PPP4R3A: variants seen among roughly 807,000 people sequenced by gnomAD.
The protein encoded by PPP4R3A is protein phosphatase 4 regulatory subunit 3A.
Under a neutral mutation model 91.7 loss-of-function variants are expected in PPP4R3A, and 15 were observed. The ratio of observed to expected loss-of-function variants is 0.16; its 90% CI spans 0.11 to 0.25. The LOEUF (loss-of-function observed/expected upper bound fraction) is 0.25. Among genes scored for constraint, PPP4R3A ranks in the 10% least tolerant of loss-of-function variants. PPP4R3A has a pLI of 1.00. For synonymous variants in PPP4R3A, 377 were observed against 348.7 expected, an observed-to-expected ratio of 1.08 and a Z score of -0.91; for missense variants, 623 against 998.4, an observed-to-expected ratio of 0.62 and a Z score of 5.07.
At chr14:91,502,776 C>A (rs1033741180) in intron 1 of PPP4R3A, among the ~76,000 whole-genome samples, 18 of 152,336 alleles carry the variant, frequency 1.2e-4, no homozygotes, top group African/African-American at 4.1e-4. Context: ...AGAATTTAAC[C>A]TGTTTAACTC....
intron 9 of PPP4R3A, 44 bp from the exon 10 acceptor site, chr14:91,471,039 T>C (rs754856790): frequency 2.6e-6 from 4 of 1,520,506 alleles, no homozygotes; most frequent in Middle Eastern, 1.9e-4. Flanking sequence ...ATGACTAACA[T>C]TTTTCCTTCT....
chr14:91,486,256 T>G (rs1889870777), intron 2 of PPP4R3A, among the ~76,000 whole-genome samples: 1 of 152,038 alleles, frequency 6.6e-6, no homozygotes, highest in Non-Finnish European at 1.5e-5. Context: ...TTTTGTTTTT[T>G]TTTTTAAACT....
At chr14:91,505,444 TAAA>T (rs1555353059) in intron 1 of PPP4R3A, among the ~76,000 whole-genome samples, 2 of 39,706 alleles carry the variant, frequency 5.0e-5, no homozygotes, top group African/African-American at 2.0e-4. Flanking sequence ...AGATTCTGCC[TAAA>T]AAAAAAAAAA....
In PPP4R3A at chr14:91,507,480, GT is replaced by G. The variant is rs1195941525; in HGVS notation, c.142+2025del. Among the ~76,000 whole-genome samples, 39 of 99,146 alleles carry G rather than the reference GT, an allele frequency of 3.9e-4. 1 individual carries two copies. The highest frequency in any genetic ancestry group is 1.4e-3 in the African/African-American group (32 of 22,096). 65.0% of individuals were successfully genotyped at this position (99,146 alleles called of 152,430 possible). A position where few individuals can be genotyped will look rare whatever the true frequency, so the allele number is the denominator to read the frequency against. On this transcript the variant is annotated intron_variant, in intron 1 of 14. Transcript: ENST00000554943. Reference sequence around the variant, plus strand: ...ATATACTATAATTATATATACTATAGTTATATATACTATATAGAATATATGC... The same window carrying G: ...ATATACTATAATTATATATACTATAGTATATATACTATATAGAATATATGC...
At chr14:91,499,078 C>T (rs574003436) in intron 1 of PPP4R3A, among the ~76,000 whole-genome samples, 118 of 151,890 alleles carry the variant, frequency 7.8e-4, no homozygotes, top group African/African-American at 2.5e-3. Flanking sequence ...TGAGCCACCA[C>T]GCCCAGCTGA....
At chr14:91,466,900 T>TC (rs1389869117) in intron 10 of PPP4R3A, among the ~76,000 whole-genome samples, 2 of 151,208 alleles carry the variant, frequency 1.3e-5, no homozygotes, top group African/African-American at 2.4e-5. Context: ...GAATTTGTAC[T>TC]CCAACTTTGC....
intron 4 of PPP4R3A, 113 bp from the exon 5 acceptor site, chr14:91,477,099 G>T: frequency 4.4e-6 from 3 of 675,332 alleles, no homozygotes; most frequent in Non-Finnish European, 4.4e-6. Flanking sequence ...AGGTGGTATT[G>T]GCAATGCTGT....
rs760954934 is a variant in PPP4R3A, at chr14:91,509,675, C to T, written c.-28G>A. ...TGCCGCCCGGGAACCGGGGCGGGGG[C>T]CCCGCCAGTAGACGCCCAGGAAAGG... On this transcript the variant is annotated 5_prime_UTR_variant, in exon 1 of 15. Coordinates refer to ENST00000554943, the MANE Select transcript of PPP4R3A (RefSeq NM_001366432.2). The T allele has an allele frequency of 1.2e-4, 190 of 1,585,778 alleles. No individual in the cohort carries two copies. The highest frequency in any genetic ancestry group is 8.3e-4 in the Admixed American group (49 of 58,792).
In PPP4R3A at chr14:91,461,584, C is replaced by T; in HGVS notation, c.2188G>A (p.Val730Met). The T allele has an allele frequency of 2.5e-6, 4 of 1,614,000 alleles. No individual in the cohort carries two copies. The highest frequency in any genetic ancestry group is 3.4e-6 in the Non-Finnish European group (4 of 1,179,924). ...KKLKESEEKE[V>M]LLKTNLSGRQ... is the part of the protein sequence containing the mutation. The stretch of plus-strand genomic sequence containing the variant: ...CCAGAAAGGTTTGTTTTCAGAAGCA[C>T]TTCCTTTTCCTCACTTTCTTTTACT... The change falls in exon 14 of 15, where the codon GTG becomes ATG. Residue 730 changes from valine to methionine, a missense_variant. Coordinates refer to ENST00000554943, the MANE Select transcript of PPP4R3A (RefSeq NM_001366432.2).
intron 10 of PPP4R3A, chr14:91,466,481 C>T: frequency 1.0e-6 from 1 of 966,714 alleles, no homozygotes; most frequent in Non-Finnish European, 1.2e-6. Flanking sequence ...AAGAGGTCCA[C>T]AAGTGAATGC....
At chr14:91,472,836 C>CCAAT (rs1285259639) in intron 9 of PPP4R3A, among the ~76,000 whole-genome samples, 197 bp downstream of exon 9, 1 of 151,310 alleles carries the variant, frequency 6.6e-6, no homozygotes. Flanking sequence ...AACCAACCAA[C>CCAAT]CAACCAACCA....
chr14:91,461,443 A>C lies in PPP4R3A; in HGVS notation c.2329T>G (p.Ser777Ala). The C allele has an allele frequency of 1.2e-6, 2 of 1,614,100 alleles. No individual in the cohort carries two copies. The highest frequency in any genetic ancestry group is 2.2e-5 in the South Asian group (2 of 91,076). Reference protein sequence around the residue: ...GSPGSPGSPGSPGSPGSVPKN... With the variant: ...GSPGSPGSPGAPGSPGSVPKN... ...GGTACGGATCCAGGAGAGCCTGGAG[A>C]TCCTGGGGATCCAGGTGATCCCGGA... Residue 777 changes from serine to alanine, a missense_variant, in exon 14 of 15, where the codon TCT becomes GCT. Ser to Ala is a moderately conservative substitution (Grantham distance 99). Transcript: ENST00000554943.
rs539139521 is a variant in PPP4R3A at position 91,494,871 on chromosome 14, C to G, written c.143-4069G>C. ...ACAGAGACTCTGTCTCAAATGAAAA[C>G]AAAAACCAAAACCACAAATGAGATA... is the stretch of plus-strand genomic sequence containing the variant. On this transcript the variant is annotated intron_variant, in intron 1 of 14. Coordinates refer to ENST00000554943, the MANE Select transcript of PPP4R3A (RefSeq NM_001366432.2). 3.9e-4 allele frequency among the ~76,000 whole-genome samples: 60 copies of G among 152,206 alleles called. 1 individual carries two copies. In the South Asian group the frequency reaches 7.7e-3, roughly 19 times the overall value.
chr14:91,469,051 C>G lies in PPP4R3A; in HGVS notation c.1660+1786G>C, dbSNP rs138519447. Among the ~76,000 whole-genome samples the G allele has an allele frequency of 6.7e-4, 99 of 147,140 alleles. 1 individual carries two copies. The East Asian group carries it at 0.016, about 23-fold the overall frequency. On this transcript the variant is annotated intron_variant, in intron 10 of 14. Coordinates refer to ENST00000554943, the MANE Select transcript of PPP4R3A (RefSeq NM_001366432.2). ...GTAATCAAATCTAAGATGCCACTGACTAAGCTACCAATTATAGTGACATGC... is the reference window on the plus strand; with the variant it reads ...GTAATCAAATCTAAGATGCCACTGAGTAAGCTACCAATTATAGTGACATGC...
chr14:91,479,831 C>T (rs974340108), intron 4 of PPP4R3A, among the ~76,000 whole-genome samples: 14 of 152,320 alleles, frequency 9.2e-5, no homozygotes, highest in African/African-American at 3.1e-4. Flanking sequence ...CGTGAGCTAC[C>T]GCATCCAGCC....
At chr14:91,495,330 T>TGTGTGTGTGTG (rs1555437585) in intron 1 of PPP4R3A, among the ~76,000 whole-genome samples, 6 of 25,690 alleles carry the variant, frequency 2.3e-4, no homozygotes, top group Non-Finnish European at 2.7e-4. Flanking sequence ...GTGTGTATGT[T>TGTGTGTGTGTG]TTTTTTTAGA....
intron 1 of PPP4R3A, among the ~76,000 whole-genome samples, chr14:91,492,982 T>C (rs772227112): frequency 1.3e-5 from 2 of 152,158 alleles, no homozygotes; most frequent in East Asian, 1.9e-4. Flanking sequence ...ACCCAGCACT[T>C]TGGGAAGCTG....
chr14:91,509,455 G>A, intron 1 of PPP4R3A, 51 bp downstream of exon 1: 1 of 1,542,256 alleles, frequency 6.5e-7, no homozygotes, highest in East Asian at 2.4e-5. Flanking sequence ...CAGGGAGGCG[G>A]CCCAGGGCCG....
At chr14:91,468,540 G>C (rs748522215) in intron 10 of PPP4R3A, among the ~76,000 whole-genome samples, 1 of 151,552 alleles carries the variant, frequency 6.6e-6, no homozygotes, top group Non-Finnish European at 1.5e-5. Flanking sequence ...GTAGTGGTGC[G>C]CTCCTGTAAT....
Sources: allele counts gnomAD v4.1 joint callset (sites outside exome capture counted in the v4.1 genomes callset), GRCh38; gene constraint gnomAD v4.1.1; transcripts MANE v1.5; gene names NCBI Gene and HGNC (gene_info 2026-07-23, HGNC 2026-07-21).